Variants in EML2 observed in about 807,000 individuals in gnomAD.
The protein encoded by EML2 is echinoderm microtubule-associated protein-like 2.
A neutral mutation model predicts 84.7 loss-of-function variants in EML2; 59 were observed. The observed-to-expected ratio is 0.70, with a 90% confidence interval of 0.56 to 0.86. EML2 has a LOEUF of 0.86. Ranked by LOEUF, EML2 falls within the 40% of genes least tolerant of loss-of-function variation. The probability of loss-of-function intolerance (pLI) is 0.00; values close to 1 mark genes in which losing one functional copy is unlikely to be tolerated. For missense variants in EML2, 818 were observed against 855.6 expected (o/e 0.96, Z 0.55); for synonymous variants, 352 against 348.9 (o/e 1.01, Z -0.10).
intron 15 of EML2, 128 bp from the exon 16 acceptor site, chr19:45,616,017 A>ACACAAGG (rs1352761134): frequency 1.1e-3 from 768 of 709,062 alleles, no homozygotes; most frequent in Non-Finnish European, 1.7e-3. Context: ...GACTAAAGGA[A>ACACAAGG]GGATACACAG....
At chr19:45,621,674 G>T (rs754513929) in intron 9 of EML2, 37 bp from the exon 10 acceptor site, 2 of 1,594,718 alleles carry the variant, frequency 1.3e-6, no homozygotes, top group African/African-American at 1.3e-5. Context: ...ACAGGGAGAA[G>T]CCACCCCTAT....
intron 3 of EML2, among the ~76,000 whole-genome samples, chr19:45,634,778 G>C (rs1568480959): frequency 6.6e-6 from 1 of 151,846 alleles, no homozygotes; most frequent in Admixed American, 6.6e-5. Flanking sequence ...AGCCAGGATG[G>C]TCTCGATCTC....
rs774122975 is a variant in EML2, at chr19:45,609,791, G to A, written c.1825-3C>T. On this transcript the variant is annotated splice_region_variant and splice_polypyrimidine_tract_variant and intron_variant, in intron 18 of 18. Coordinates refer to ENST00000245925, the MANE Select transcript of EML2 (RefSeq NM_012155.4). ...CCACCGTACTTGTGGCTGAGGGCCT[G>A]TTACAAGGAAAGAAGTAAGTGAAGA... The A allele has an allele frequency of 6.2e-7, 1 of 1,611,378 alleles. No individual in the cohort carries two copies. Among genetic ancestry groups the A allele is most frequent in the South Asian group, 1.1e-5 (1 of 90,776 alleles).
Position 45,632,948 on chromosome 19 carries a change from G to C in EML2, c.423C>G (p.Ile141Met), listed in dbSNP as rs756110347. 6.2e-7 allele frequency: 1 copy of C among 1,614,218 alleles called. No homozygotes were observed. Among genetic ancestry groups the C allele is most frequent in the Non-Finnish European group, 8.5e-7 (1 of 1,180,034 alleles). Residue 141 changes from isoleucine (I) to methionine (M), a missense_variant, in exon 6 of 19, where the codon ATC becomes ATG. Coordinates refer to ENST00000245925, the MANE Select transcript of EML2 (RefSeq NM_012155.4). ...AGGTGGAGAGGGAAACTGAGTCCCA[G>C]ATGCGCACGTGGGGCGGCAGCGGCT... is the stretch of plus-strand genomic sequence containing the variant. ...EGKPLPPHVR[I>M]WDSVSLSTLH...
At chr19:45,616,645 T>A (rs758850280) in intron 14 of EML2, 87 bp from the exon 15 acceptor site, 84 of 1,388,910 alleles carry the variant, frequency 6.0e-5, no homozygotes, top group Non-Finnish European at 5.9e-5. Context: ...AGTCCCCAGC[T>A]CCATCCCCAC....
chr19:45,616,815 G>T lies in EML2; in HGVS notation c.1361C>A (p.Ala454Asp), dbSNP rs1191081436. 1 of 1,613,286 alleles carries T rather than the reference G, an allele frequency of 6.2e-7. No individual in the cohort carries two copies. Among genetic ancestry groups the T allele is most frequent in the Non-Finnish European group, 8.5e-7 (1 of 1,179,938 alleles). The change falls in exon 14 of 19, where the codon GCT (alanine) becomes GAT (aspartate). Residue 454 changes from alanine (A) to aspartate (D), a missense_variant. Coordinates refer to ENST00000245925, the MANE Select transcript of EML2 (RefSeq NM_012155.4). ...CTGTTCATTGCCGTCTGTGTGGATA[G>T]CCACCAGGTCATGGGTCTCCGTGTC... is the stretch of plus-strand genomic sequence containing the variant. ...LLDTETHDLV[A>D]IHTDGNEQIS... is the part of the protein sequence containing the mutation.
chr19:45,615,695 G>A (rs143626462), intron 16 of EML2, 107 bp downstream of exon 16: 2 of 992,526 alleles, frequency 2.0e-6, no homozygotes, highest in African/African-American at 1.6e-5. Context: ...AACCAGCCTT[G>A]AATACCAAGG....
chr19:45,609,696 C>T lies in EML2; in HGVS notation c.1917G>A (p.Lys639=), dbSNP rs1440996821. 6.2e-7 allele frequency: 1 copy of T among 1,613,232 alleles called. No individual in the cohort carries two copies. Among genetic ancestry groups the T allele is most frequent in the Non-Finnish European group, 8.5e-7 (1 of 1,179,670 alleles). The stretch of plus-strand genomic sequence containing the variant: ...CCCGCCACTGTAGCACACTGGTGTC[C>T]TTGCCCCCTGTGGTCAGGGCCATGC... ...DDSMALTTGG[K]DTSVLQWRVV The change falls in exon 19 of 19, where the codon AAG becomes AAA. Residue 639 remains lysine (K), a synonymous_variant. Transcript: ENST00000245925.
chr19:45,643,663 C>A, upstream of EML2: 1 of 1,536,036 alleles, frequency 6.5e-7, no homozygotes, highest in East Asian at 2.4e-5. Context: ...GGGGACAGGG[C>A]GTGGAGCTCG....
At chr19:45,623,849 C>A (rs1972005596) in intron 9 of EML2, among the ~76,000 whole-genome samples, 1 of 152,152 alleles carries the variant, frequency 6.6e-6, no homozygotes. Flanking sequence ...CCGCACCCAG[C>A]CTAAAAACTT....
chr19:45,639,349 G>A lies in EML2; in HGVS notation c.20+8C>T. ...GGAGATGGGGGGTGGTCTGCGAAAG[G>A]GTCTCACCCAGCTCCAAAGCTACTC... On this transcript the variant is annotated splice_region_variant and intron_variant, in intron 1 of 18. Coordinates refer to ENST00000245925, the MANE Select transcript of EML2 (RefSeq NM_012155.4). 2.3e-6 allele frequency: 3 copies of A among 1,305,722 alleles called. No individual in the cohort carries two copies. Among genetic ancestry groups the A allele is most frequent in the African/African-American group, 1.5e-5 (1 of 64,880 alleles). 80.9% of individuals were successfully genotyped at this position (1,305,722 alleles called of 1,614,324 possible).
intron 4 of EML2, 95 bp downstream of exon 4, chr19:45,634,227 C>T (rs1973431472): frequency 1.3e-6 from 2 of 1,549,258 alleles, no homozygotes; most frequent in Non-Finnish European, 1.8e-6. Context: ...CCAAACCCCA[C>T]AGGGTAGCAA....
intron 7 of EML2, among the ~76,000 whole-genome samples, chr19:45,627,256 C>CAGTACCTTTCCTA (rs1160347103): frequency 7.4e-6 from 1 of 135,610 alleles, no homozygotes; most frequent in African/African-American, 2.7e-5. Context: ...TGCGCCCGGC[C>CAGTACCTTTCCTA]TTTTTTTTTT....
At chr19:45,629,218 C>T (rs1328308814) in intron 7 of EML2, among the ~76,000 whole-genome samples, 1 of 152,144 alleles carries the variant, frequency 6.6e-6, no homozygotes, top group Non-Finnish European at 1.5e-5. Context: ...CAGCCTCAAC[C>T]TACCAGGTTC....
chr19:45,626,649 C>G, intron 8 of EML2, 56 bp downstream of exon 8: 1 of 1,564,652 alleles, frequency 6.4e-7, no homozygotes, highest in Non-Finnish European at 8.7e-7. Flanking sequence ...ACCTCCCTGC[C>G]TGTCCCTAAC....
At chr19:45,613,440 C>T (rs1002328900) in intron 18 of EML2, 101 bp downstream of exon 18, 27 of 1,428,290 alleles carry the variant, frequency 1.9e-5, no homozygotes, top group East Asian at 4.6e-5. Flanking sequence ...ATGGGGAAAC[C>T]GAGGCTCAGA....
rs35850853 is a variant in EML2 at position 45,626,380 on chromosome 19, C to CTT, written c.741+323_741+324dup. ...TCTTCATCCCTTTGAATCCTCACAA[C>CTT]TTTTTTTTTTTTTTTTTTTTTTTTT... On this transcript the variant is annotated intron_variant, in intron 8 of 18. Transcript: ENST00000245925. Among the ~76,000 whole-genome samples, 105 of 79,452 alleles carry CTT rather than the reference C, an allele frequency of 1.3e-3. 6 individuals carry two copies. Among genetic ancestry groups the CTT allele is most frequent in the Middle Eastern group, 8.2e-3 (1 of 122 alleles). The allele number at this position is 79,452 out of a possible 152,430, so 52.1% of individuals were successfully genotyped here.
chr19:45,639,706 G>T (rs1974225659), upstream of EML2, among the ~76,000 whole-genome samples: 2 of 152,056 alleles, frequency 1.3e-5, no homozygotes, highest in Admixed American at 1.3e-4. Flanking sequence ...GATAATAAGA[G>T]TACCCGGCCG....
intron 15 of EML2, 27 bp from the exon 16 acceptor site, chr19:45,615,916 A>G: frequency 6.4e-7 from 1 of 1,568,614 alleles, no homozygotes; most frequent in Non-Finnish European, 8.8e-7. Context: ...GGATGGTGTT[A>G]GAGCTGCAGA....
Sources: gnomAD v4.1 joint callset for allele counts (sites outside exome capture counted in the v4.1 genomes callset) on GRCh38, gnomAD v4.1.1 for gene constraint, MANE v1.5 for transcripts, NCBI Gene and HGNC (gene_info 2026-07-23, HGNC 2026-07-21) for gene names.